The following C4orf51 variants were observed in gnomAD, a reference collection of about 807,000 sequenced individuals.
C4orf51 encodes the protein chromosome 4 open reading frame 51, also known as uncharacterized protein C4orf51.
In C4orf51, 25 loss-of-function variants were observed where a neutral mutation model predicts 25.2. The observed-to-expected ratio is 0.99, with a 90% CI of 0.72 to 1.39. The LOEUF is 1.39. Ranked by LOEUF, C4orf51 falls within the 40% of genes most tolerant of loss-of-function variation. The pLI is 0.00. For synonymous variants in C4orf51, 100 were observed against 84.5 expected, an observed-to-expected ratio of 1.18 and a Z score of -1.01; for missense variants, 252 against 239.6, an observed-to-expected ratio of 1.05 and a Z score of -0.34.
chr4:145,789,212 C>G, the C4orf51 span, among the ~76,000 whole-genome samples: 2 of 152,076 alleles, frequency 1.3e-5, no homozygotes, highest in Non-Finnish European at 2.9e-5. Context: ...GCTATACTAG[C>G]CTTACATTGC....
At chr4:145,689,424 T>C (rs1036024086) in intron 1 of C4orf51, among the ~76,000 whole-genome samples, 5 of 152,046 alleles carry the variant, frequency 3.3e-5, no homozygotes, top group African/African-American at 4.8e-5. Flanking sequence ...TATACATATA[T>C]GTGTATATAT....
At chr4:145,739,384 A>G (rs1369893983) in intron 1 of C4orf51, among the ~76,000 whole-genome samples, 1 of 152,252 alleles carries the variant, frequency 6.6e-6, no homozygotes, top group East Asian at 1.9e-4. Context: ...AATTCATCCC[A>G]TAGATTGTCT....
intron 1 of C4orf51, among the ~76,000 whole-genome samples, chr4:145,695,945 C>T (rs988457277): frequency 1.1e-4 from 17 of 152,084 alleles, no homozygotes; most frequent in African/African-American, 3.4e-4. Flanking sequence ...CTCATTTATA[C>T]GTGAGAGTTA....
intron 1 of C4orf51, among the ~76,000 whole-genome samples, chr4:145,693,324 T>C (rs1033333382): frequency 3.3e-5 from 5 of 151,092 alleles, no homozygotes; most frequent in Admixed American, 3.3e-4. Context: ...ACACAGCACA[T>C]GTTTCAGAGA....
intron 1 of C4orf51, among the ~76,000 whole-genome samples, chr4:145,770,035 C>G (rs1185156106): frequency 1.3e-5 from 2 of 152,164 alleles, no homozygotes; most frequent in Admixed American, 6.5e-5. Flanking sequence ...CCGTGGCTCA[C>G]GCCTGTAATC....
chr4:145,789,474 G>A, the C4orf51 span, among the ~76,000 whole-genome samples: 1 of 152,160 alleles, frequency 6.6e-6, no homozygotes, highest in African/African-American at 2.4e-5. Context: ...ACTATATGAT[G>A]CATTTTACAC....
chr4:145,719,222 A>G lies in C4orf51; in HGVS notation c.308-7689A>G, dbSNP rs146033548. Among the ~76,000 whole-genome samples, 346 of 152,224 alleles carry G rather than the reference A, an allele frequency of 2.3e-3. 1 individual carries two copies. Among genetic ancestry groups the G allele is most frequent in the Admixed American group, 0.021 (324 of 15,302 alleles). On this transcript the variant is annotated intron_variant, in intron 2 of 5. Coordinates refer to ENST00000438731, the MANE Select transcript of C4orf51 (RefSeq NM_001080531.3). ...GGTTGGCTTTTCCTTCCCACAACCTACTTCTTTATAGGGGCAGGTCTTTGT... is the reference window on the plus strand; with the variant it reads ...GGTTGGCTTTTCCTTCCCACAACCTGCTTCTTTATAGGGGCAGGTCTTTGT...
chr4:145,725,828 A>G (rs1335315695), intron 2 of C4orf51, among the ~76,000 whole-genome samples: 1 of 152,198 alleles, frequency 6.6e-6, no homozygotes, highest in Non-Finnish European at 1.5e-5. Context: ...TGGGATGATG[A>G]AAATACTCTA....
intron 1 of C4orf51, among the ~76,000 whole-genome samples, chr4:145,741,723 A>C (rs1360392108): frequency 1.3e-5 from 2 of 151,978 alleles, no homozygotes; most frequent in African/African-American, 4.8e-5. Context: ...TTAAAGACAG[A>C]GTCTCACTCT....
chr4:145,687,662 A>G (rs1248425254), intron 1 of C4orf51, among the ~76,000 whole-genome samples: 1 of 152,220 alleles, frequency 6.6e-6, no homozygotes, highest in African/African-American at 2.4e-5. Flanking sequence ...TTGAAAAGCA[A>G]TGATTTTCCT....
chr4:145,714,193 G>C (rs756103036), intron 2 of C4orf51, among the ~76,000 whole-genome samples: 2 of 152,184 alleles, frequency 1.3e-5, no homozygotes, highest in African/African-American at 2.4e-5. Context: ...CCACTTTACT[G>C]TGATGTTTTC....
intron 1 of C4orf51, among the ~76,000 whole-genome samples, chr4:145,681,431 C>G (rs1034328961): frequency 3.9e-5 from 6 of 152,224 alleles, no homozygotes; most frequent in Admixed American, 3.3e-4. Context: ...CTGGTTTAGT[C>G]CAACAAAGTA....
chr4:145,766,735 G>T (rs181142623), intron 1 of C4orf51, among the ~76,000 whole-genome samples: 9 of 152,320 alleles, frequency 5.9e-5, no homozygotes, highest in Admixed American at 3.3e-4. Context: ...CACCTGAAAA[G>T]CTTAGAGAAC....
chr4:145,745,885 G>T (rs1733345620), intron 1 of C4orf51, among the ~76,000 whole-genome samples: 1 of 152,146 alleles, frequency 6.6e-6, no homozygotes, highest in Admixed American at 6.5e-5. Context: ...ACCAGCATTT[G>T]TTGTTGCCTG....
chr4:145,747,818 C>T (rs1318691929), intron 1 of C4orf51, among the ~76,000 whole-genome samples: 1 of 151,146 alleles, frequency 6.6e-6, no homozygotes, highest in African/African-American at 2.4e-5. Flanking sequence ...ACCCTCCCTC[C>T]CTCCTTCTTT....
At chr4:145,746,702 T>C (rs1335863578) in intron 1 of C4orf51, among the ~76,000 whole-genome samples, 1 of 152,200 alleles carries the variant, frequency 6.6e-6, no homozygotes, top group Non-Finnish European at 1.5e-5. Flanking sequence ...TCTGGGTCTT[T>C]TGTGGTTCTA....
chr4:145,732,070 C>G (rs1732512619), intron 5 of C4orf51, among the ~76,000 whole-genome samples: 1 of 152,138 alleles, frequency 6.6e-6, no homozygotes, highest in Non-Finnish European at 1.5e-5. Context: ...GGTAATCATT[C>G]TCTAAATATT....
chr4:145,725,300 G>T lies in C4orf51; in HGVS notation c.308-1611G>T, dbSNP rs546708008. Among the ~76,000 whole-genome samples, 7 of 152,334 alleles carry T rather than the reference G, an allele frequency of 4.6e-5. No homozygotes were observed. In the South Asian group the frequency reaches 1.4e-3, roughly 32 times the overall value. ...AAAGACAATAACAAATATTGGAGAAGATGTGGAGAAATAGGTACCTTCATT... is the reference window on the plus strand; with the variant it reads ...AAAGACAATAACAAATATTGGAGAATATGTGGAGAAATAGGTACCTTCATT... On this transcript the variant is annotated intron_variant, in intron 2 of 5. Transcript: ENST00000438731.
chr4:145,769,278 C>T (rs999060885), intron 1 of C4orf51, among the ~76,000 whole-genome samples: 4 of 152,150 alleles, frequency 2.6e-5, no homozygotes, highest in Non-Finnish European at 5.9e-5. Context: ...AGCTATGTGA[C>T]AACTAGTACC....
Sources: allele counts gnomAD v4.1 joint callset (sites outside exome capture counted in the v4.1 genomes callset), GRCh38; gene constraint gnomAD v4.1.1; transcripts MANE v1.5; gene names NCBI Gene and HGNC (gene_info 2026-07-23, HGNC 2026-07-21).